Variants in GGA2 observed in about 807,000 individuals in gnomAD.
GGA2 encodes golgi associated, gamma adaptin ear containing, ARF binding protein 2, also known as ADP-ribosylation factor-binding protein GGA2.
A neutral mutation model predicts 79.5 loss-of-function variants in GGA2; 48 were observed. That is an observed-to-expected ratio of 0.60 (90% confidence interval 0.48 to 0.77). The LOEUF is 0.77. Among genes scored for constraint, GGA2 ranks in the 30% least tolerant of loss-of-function variants. GGA2 has a pLI of 0.00. For synonymous variants in GGA2, 317 were observed against 302.0 expected (o/e 1.05, Z -0.51); for missense variants, 770 against 774.0 (o/e 0.99, Z 0.06).
intron 15 of GGA2, among the ~76,000 whole-genome samples, chr16:23,469,793 G>A (rs1483152122): frequency 1.3e-5 from 2 of 152,176 alleles, no homozygotes; most frequent in Admixed American, 6.5e-5. Flanking sequence ...TTAAGGCATT[G>A]TTTAAGAACC....
rs1411699429 is a variant in GGA2, at chr16:23,510,374, G to C, written c.38C>G (p.Thr13Ser). 7.1e-7 allele frequency: 1 copy of C among 1,414,502 alleles called. No individual in the cohort carries two copies. The highest frequency in any genetic ancestry group is 9.2e-7 in the Non-Finnish European group (1 of 1,082,942). The allele number at this position is 1,414,502 out of a possible 1,614,324, so 87.6% of individuals were successfully genotyped here. Residue 13 changes from threonine (T) to serine (S), a missense_variant, in exon 1 of 17, where the codon ACC (threonine) becomes AGC (serine). Thr to Ser is a moderately conservative substitution (Grantham distance 58). Transcript: ENST00000309859. ...ATAVAAAVAGTESAQGPPGPA... is the reference protein window; with the variant it reads ...ATAVAAAVAGSESAQGPPGPA... ...GCCCGGGGGACCCTGGGCCGACTCG[G>C]TTCCCGCCACAGCCGCCGCCACCGC...
intron 5 of GGA2, 49 bp downstream of exon 5, chr16:23,491,628 G>C (rs58978917): frequency 1.3e-6 from 2 of 1,570,592 alleles, no homozygotes; most frequent in South Asian, 1.1e-5. Flanking sequence ...AAAGCAAGAA[G>C]ATACAGGCCT....
chr16:23,472,794 G>T (rs1964527596), intron 14 of GGA2, among the ~76,000 whole-genome samples: 1 of 151,898 alleles, frequency 6.6e-6, no homozygotes, highest in African/African-American at 2.4e-5. Flanking sequence ...CAGCACTTTG[G>T]GAGGCCGAGG....
At chr16:23,506,534 T>C (rs556782752) in intron 1 of GGA2, among the ~76,000 whole-genome samples, 21 of 152,282 alleles carry the variant, frequency 1.4e-4, no homozygotes, top group Admixed American at 5.9e-4. Context: ...TTTTTGGCTG[T>C]TATGACTGGG....
intron 2 of GGA2, among the ~76,000 whole-genome samples, chr16:23,516,552 G>C (rs1172498488): frequency 6.6e-6 from 1 of 152,084 alleles, no homozygotes; most frequent in Non-Finnish European, 1.5e-5. Context: ...ATAGTTGCCA[G>C]AGTGACCTTT....
chr16:23,467,715 A>T lies in GGA2; in HGVS notation c.1732-15T>A, dbSNP rs200722860. On this transcript the variant is annotated splice_polypyrimidine_tract_variant and intron_variant, in intron 16 of 16. Coordinates refer to ENST00000309859, the MANE Select transcript of GGA2 (RefSeq NM_015044.4). ...CGGATAGGTTCCTGGGACAGAAGAG[A>T]CAGAAGATGTCAAATCAGTGGAGAG... 8 of 1,329,468 alleles carry T rather than the reference A, an allele frequency of 6.0e-6. No individual in the cohort carries two copies. In the Admixed American group the frequency reaches 1.2e-4, roughly 20 times the overall value. The allele number at this position is 1,329,468 out of a possible 1,614,324, so 82.4% of individuals were successfully genotyped here.
chr16:23,483,583 G>A (rs1248284498), intron 8 of GGA2, among the ~76,000 whole-genome samples: 2 of 152,196 alleles, frequency 1.3e-5, no homozygotes. Context: ...TTCCAAGGGA[G>A]ACCAACAGCA....
chr16:23,467,976 G>A (rs1026467170), intron 16 of GGA2, among the ~76,000 whole-genome samples: 2 of 152,176 alleles, frequency 1.3e-5, no homozygotes, highest in Admixed American at 6.5e-5. Flanking sequence ...GAGAGTTCAT[G>A]TGTCCCTCCC....
chr16:23,482,960 C>T lies in GGA2; in HGVS notation c.843G>A (p.Arg281=). The change falls in exon 9 of 17, where the codon CGG becomes CGA. Residue 281 remains arginine, a synonymous_variant. Coordinates refer to ENST00000309859, the MANE Select transcript of GGA2 (RefSeq NM_015044.4). ...CGTCATCAGTGGTGTCACTCGCCAA[C>T]CGGAACAGCGTGGGCCGCAGCTTTT... ...RCEKLRPTLF[R]LASDTTDDDD... 1 of 1,613,022 alleles carries T rather than the reference C, an allele frequency of 6.2e-7. No individual in the cohort carries two copies.
At chr16:23,470,269 C>T (rs748343549) in intron 14 of GGA2, 104 bp from the exon 15 acceptor site, 1 of 795,782 alleles carries the variant, frequency 1.3e-6, no homozygotes, top group East Asian at 2.8e-5. Flanking sequence ...TGTTGCTTCT[C>T]CATGCAGAAC....
At chr16:23,521,772 C>T (rs1244805192) in intron 1 of GGA2, 4 of 455,910 alleles carry the variant, frequency 8.8e-6, no homozygotes, top group African/African-American at 2.0e-5. Context: ...TTTGACCACT[C>T]ACTTTGTTAA....
intron 13 of GGA2, 117 bp downstream of exon 13, chr16:23,478,251 A>AGAAG: frequency 1.5e-6 from 1 of 680,450 alleles, no homozygotes; most frequent in East Asian, 2.9e-5. Context: ...AAAGAAAGAA[A>AGAAG]GATGTTTCTC....
intron 1 of GGA2, among the ~76,000 whole-genome samples, chr16:23,502,437 A>G (rs1212971479): frequency 6.6e-6 from 1 of 152,236 alleles, no homozygotes; most frequent in Non-Finnish European, 1.5e-5. Context: ...CAGGAAAACA[A>G]CAAAAGAGGA....
chr16:23,466,208 G>GT lies in GGA2; in HGVS notation c.*1381dup, dbSNP rs1197693330. ...TTAAGAGCTCCAAACAAGTCTTGCA[G>GT]TTTCAAAGGTAGAAACCCACCCAGC... On this transcript the variant is annotated 3_prime_UTR_variant, in exon 17 of 17. Transcript: ENST00000309859. 6.6e-6 allele frequency: 1 copy of GT among 152,162 alleles called. No homozygotes were observed. Among genetic ancestry groups the GT allele is most frequent in the Non-Finnish European group, 1.5e-5 (1 of 68,048 alleles). 9.4% of individuals were successfully genotyped at this position (152,162 alleles called of 1,614,324 possible). A position where few individuals can be genotyped will look rare whatever the true frequency, so the allele number is the denominator to read the frequency against.
rs57255054 is a variant in GGA2 at position 23,467,387 on chromosome 16, AACACACACACACACAC to A, written c.*187_*202del. The A allele has an allele frequency of 1.9e-3, 622 of 327,560 alleles. No individual in the cohort carries two copies. The highest frequency in any genetic ancestry group is 5.0e-3 in the African/African-American group (176 of 35,106). The allele number at this position is 327,560 out of a possible 1,614,324, so 20.3% of individuals were successfully genotyped here. On this transcript the variant is annotated 3_prime_UTR_variant, in exon 17 of 17. Transcript: ENST00000309859. ...GCCCTGTGCTACCACCCTCTCCCCG[AACACACACACACACAC>A]ACACACACACACACACACACACACA... is the stretch of plus-strand genomic sequence containing the variant.
At chr16:23,507,604 G>A (rs918246928) in intron 1 of GGA2, among the ~76,000 whole-genome samples, 3 of 151,036 alleles carry the variant, frequency 2.0e-5, no homozygotes, top group Non-Finnish European at 4.4e-5. Flanking sequence ...CTCCAGCCTG[G>A]ACAAGAATGA....
chr16:23,496,212 A>G (rs544570998), intron 1 of GGA2, among the ~76,000 whole-genome samples: 1 of 148,528 alleles, frequency 6.7e-6, no homozygotes, highest in African/African-American at 2.5e-5. Context: ...CTGAGGCAGG[A>G]GAATCGCTTG....
chr16:23,482,352 T>A (rs549638339), intron 9 of GGA2, among the ~76,000 whole-genome samples: 190 of 152,200 alleles, frequency 1.2e-3, no homozygotes, highest in Non-Finnish European at 2.4e-3. Context: ...ACAGATGAAG[T>A]AAGATTAAAA....
intron 1 of GGA2, among the ~76,000 whole-genome samples, chr16:23,502,004 C>A (rs532673936): frequency 2.6e-5 from 4 of 152,262 alleles, no homozygotes; most frequent in Middle Eastern, 3.4e-3. Flanking sequence ...CAAGCAGGTG[C>A]CAGTGATGTC....
Sources: allele counts gnomAD v4.1 joint callset (sites outside exome capture counted in the v4.1 genomes callset), GRCh38; gene constraint gnomAD v4.1.1; transcripts MANE v1.5; gene names NCBI Gene and HGNC (gene_info 2026-07-23, HGNC 2026-07-21).